SLC35F4: variants seen among roughly 807,000 people sequenced by gnomAD.
SLC35F4 encodes solute carrier family 35 member F4, also known as chromosome 14 open reading frame 36.
Under a neutral mutation model 44.2 loss-of-function variants are expected in SLC35F4, and 24 were observed. The observed-to-expected ratio is 0.54, with a 90% CI of 0.39 to 0.76. SLC35F4 has a LOEUF of 0.76. Among genes scored for constraint, SLC35F4 ranks in the 30% least tolerant of loss-of-function variants. SLC35F4 has a pLI of 0.00. For synonymous variants in SLC35F4, 238 were observed against 223.6 expected (o/e 1.06, Z -0.57); for missense variants, 562 against 586.1 (o/e 0.96, Z 0.42).
chr14:57,739,349 G>A (rs1258576839), intron 1 of SLC35F4, among the ~76,000 whole-genome samples: 1 of 152,196 alleles, frequency 6.6e-6, no homozygotes, highest in Non-Finnish European at 1.5e-5. Context: ...TTTAGCATTT[G>A]CTAATTACTT....
chr14:57,594,560 A>G (rs550802024), intron 1 of SLC35F4, among the ~76,000 whole-genome samples: 28 of 152,330 alleles, frequency 1.8e-4, no homozygotes, highest in Non-Finnish European at 2.9e-4. Context: ...AGATAAATCT[A>G]TTCACTAGAA....
At chr14:57,626,652 A>G (rs1190661688) in intron 1 of SLC35F4, among the ~76,000 whole-genome samples, 1 of 152,178 alleles carries the variant, frequency 6.6e-6, no homozygotes, top group Non-Finnish European at 1.5e-5. Flanking sequence ...GCACGCAGTA[A>G]TTGCTAAAAG....
At chr14:57,891,526 C>T (rs1263799809) in intron 1 of SLC35F4, among the ~76,000 whole-genome samples, 1 of 152,044 alleles carries the variant, frequency 6.6e-6, no homozygotes, top group Admixed American at 6.6e-5. Context: ...ATGTAGCTAA[C>T]TCAGATTAGT....
chr14:57,760,608 G>A (rs890965622), intron 1 of SLC35F4, among the ~76,000 whole-genome samples: 2 of 152,104 alleles, frequency 1.3e-5, no homozygotes, highest in South Asian at 2.1e-4. Flanking sequence ...CATAGTTCAG[G>A]TGCTTAAAAA....
upstream of SLC35F4, among the ~76,000 whole-genome samples, chr14:57,870,222 G>T (rs1478763728): frequency 6.6e-6 from 1 of 151,806 alleles, no homozygotes; most frequent in East Asian, 1.9e-4. Flanking sequence ...CTCTGAGTCT[G>T]TGTGTGTCTG....
At chr14:57,907,863 G>C (rs147466747) in intron 1 of SLC35F4, among the ~76,000 whole-genome samples, 112 of 151,984 alleles carry the variant, frequency 7.4e-4, no homozygotes, top group African/African-American at 2.6e-3. Context: ...TGTACAGAAC[G>C]TGCAGGGTTG....
intron 1 of SLC35F4, among the ~76,000 whole-genome samples, chr14:57,697,378 G>A (rs988103614): frequency 6.6e-6 from 1 of 151,838 alleles, no homozygotes. Flanking sequence ...TGGTTTAATG[G>A]CCCTGAATAT....
upstream of SLC35F4, among the ~76,000 whole-genome samples, chr14:57,867,712 T>C (rs1310307924): frequency 1.3e-5 from 2 of 152,134 alleles, no homozygotes; most frequent in Non-Finnish European, 2.9e-5. Context: ...GTTCATCACA[T>C]ATAATTTTAA....
intron 1 of SLC35F4, among the ~76,000 whole-genome samples, chr14:57,700,566 T>C (rs2075508667): frequency 1.3e-5 from 2 of 152,326 alleles, no homozygotes; most frequent in Middle Eastern, 3.4e-3. Context: ...TTTTGACTCT[T>C]TTATAATGCT....
chr14:57,914,543 G>A (rs979255705), intron 1 of SLC35F4, among the ~76,000 whole-genome samples: 1 of 151,532 alleles, frequency 6.6e-6, no homozygotes, highest in Non-Finnish European at 1.5e-5. Flanking sequence ...AGCCTGGGCA[G>A]CATAGCGAGA....
intron 1 of SLC35F4, among the ~76,000 whole-genome samples, chr14:57,673,777 G>A (rs2074597302): frequency 6.6e-6 from 1 of 151,932 alleles, no homozygotes; most frequent in Non-Finnish European, 1.5e-5. Context: ...TATTGGAGAG[G>A]TCACAGTGAA....
intron 1 of SLC35F4, chr14:57,977,078 G>C (rs1271314340): frequency 6.6e-6 from 1 of 152,188 alleles, no homozygotes; most frequent in Admixed American, 6.5e-5. Flanking sequence ...TTTAGAGATA[G>C]AGTGATCTGG....
Position 57,786,920 on chromosome 14 carries a change from A to C in SLC35F4, c.103+78803T>G, listed in dbSNP as rs113020085. Among the ~76,000 whole-genome samples the C allele has an allele frequency of 1.1e-3, 160 of 152,338 alleles. 2 individuals carry two copies. The highest frequency in any genetic ancestry group is 3.5e-3 in the African/African-American group (147 of 41,572). On this transcript the variant is annotated intron_variant, in intron 1 of 7. Transcript: ENST00000556826. ...TGGACCCAAACCAAGAAGAGATCCC[A>C]GATTTGCCTGAAGAAGAATTCAGGA...
At chr14:57,760,176 G>T (rs1477731207) in intron 1 of SLC35F4, among the ~76,000 whole-genome samples, 1 of 151,900 alleles carries the variant, frequency 6.6e-6, no homozygotes, top group East Asian at 1.9e-4. Context: ...CTTGCATTTA[G>T]GTCTTTTTTT....
intron 1 of SLC35F4, among the ~76,000 whole-genome samples, chr14:57,738,695 T>A (rs902086271): frequency 6.7e-6 from 1 of 149,678 alleles, no homozygotes; most frequent in African/African-American, 2.4e-5. Context: ...GATATACCAT[T>A]CTAAATTTAT....
chr14:57,715,498 G>C (rs8012508), intron 1 of SLC35F4, among the ~76,000 whole-genome samples: 60,126 of 152,016 alleles, frequency 0.4, 11,921 homozygotes, highest in Middle Eastern at 0.43. Flanking sequence ...GGGCTAGGGT[G>C]TTGTAACCAG....
At chr14:57,868,626 A>T (rs1205983898), upstream of SLC35F4, among the ~76,000 whole-genome samples, 1 of 151,870 alleles carries the variant, frequency 6.6e-6, no homozygotes, top group Non-Finnish European at 1.5e-5. Flanking sequence ...CAGGCACCCG[A>T]CACCACGCCC....
chr14:57,969,570 G>A (rs1439868538), intron 1 of SLC35F4, among the ~76,000 whole-genome samples: 2 of 152,058 alleles, frequency 1.3e-5, no homozygotes, highest in Admixed American at 1.3e-4. Context: ...TTCACCCAGT[G>A]TGCTATAAGG....
chr14:57,877,751 C>A lies in SLC35F4; in HGVS notation n.282+104162G>T, dbSNP rs553647752. Among the ~76,000 whole-genome samples the A allele has an allele frequency of 3.3e-5, 4 of 121,996 alleles. No homozygotes were observed. In the South Asian group the frequency reaches 8.6e-4, roughly 26 times the overall value. The allele number at this position is 121,996 out of a possible 152,430, so 80.0% of individuals were successfully genotyped here. A position where few individuals can be genotyped will look rare whatever the true frequency, so the allele number is the denominator to read the frequency against. ...CCCAGGCTGGAGTGCAGTGGCAGAT[C>A]TCAGCTCACTGCAACCTCTGCCTCC... On this transcript the variant is annotated intron_variant and non_coding_transcript_variant, in intron 1 of 1. Transcript: ENST00000556568.
Sources: gnomAD v4.1 joint callset for allele counts (sites outside exome capture counted in the v4.1 genomes callset) on GRCh38, gnomAD v4.1.1 for gene constraint, MANE v1.5 for transcripts, NCBI Gene and HGNC (gene_info 2026-07-23, HGNC 2026-07-21) for gene names.